ZNF141: variants seen among roughly 807,000 people sequenced by gnomAD.
ZNF141 encodes zinc finger protein 141 (clone pHZ-44).
In ZNF141, 7 loss-of-function variants were observed where a neutral mutation model predicts 11.3. That is an observed-to-expected ratio of 0.62 (90% CI 0.35 to 1.16). The LOEUF (loss-of-function observed/expected upper bound fraction) is 1.16, where lower values mean the gene tolerates loss of function less well. Among genes scored for constraint, ZNF141 ranks in the 50% most tolerant of loss-of-function variants. The pLI is 0.02. For missense variants in ZNF141, 535 were observed against 554.0 expected (o/e 0.97, Z 0.34); for synonymous variants, 183 against 190.7 (o/e 0.96, Z 0.33).
intron 3 of ZNF141, among the ~76,000 whole-genome samples, chr4:368,324 C>T (rs1306056206): frequency 2.6e-5 from 4 of 152,136 alleles, no homozygotes; most frequent in African/African-American, 7.2e-5. Context: ...TCACTGCAAC[C>T]TCCACGTCCC....
chr4:342,914 C>G, intron 1 of ZNF141: 4 of 1,585,154 alleles, frequency 2.5e-6, no homozygotes, highest in Non-Finnish European at 3.5e-6. Context: ...TTCAGCATTT[C>G]CTTAGTGTCA....
chr4:360,939 A>G (rs1722077810), intron 3 of ZNF141, among the ~76,000 whole-genome samples: 1 of 152,200 alleles, frequency 6.6e-6, no homozygotes, highest in Non-Finnish European at 1.5e-5. Context: ...TTCCTTGTGT[A>G]GATGAGCAGT....
intron 3 of ZNF141, among the ~76,000 whole-genome samples, chr4:363,883 G>A (rs1711599262): frequency 1.3e-5 from 2 of 152,222 alleles, no homozygotes; most frequent in East Asian, 3.9e-4. Context: ...CTAGTTTATT[G>A]AGAGTTTTTA....
At position 382,292 on chromosome 4, in the gene ZNF141, G is replaced by T. The variant is rs1712660945; in HGVS notation, c.*8430G>T. On this transcript the variant is annotated 3_prime_UTR_variant, in exon 4 of 4. Transcript: ENST00000240499. ...GTGTGCTCTAGGCACTTGCCCTATA[G>T]CTGCTCCTAAATGTGGGGTCTTAGA... Among the ~76,000 whole-genome samples the T allele has an allele frequency of 6.6e-6, 1 of 152,078 alleles. No homozygotes were observed. Among genetic ancestry groups the T allele is most frequent in the Non-Finnish European group, 1.5e-5 (1 of 68,034 alleles).
Position 380,487 on chromosome 4 carries a change from A to C in ZNF141, c.*6625A>C, listed in dbSNP as rs1163453868. 2.0e-5 allele frequency among the ~76,000 whole-genome samples: 3 copies of C among 152,002 alleles called. No individual in the cohort carries two copies. Among genetic ancestry groups the C allele is most frequent in the Non-Finnish European group, 2.9e-5 (2 of 68,024 alleles). On this transcript the variant is annotated 3_prime_UTR_variant, in exon 4 of 4. Transcript: ENST00000240499. ...GCCAACATGGTGAAACCCCGTCTCT[A>C]CTACAAATATAAAAATTAGCTGGGT...
At chr4:356,313 A>G (rs1721838222) in intron 3 of ZNF141, among the ~76,000 whole-genome samples, 1 of 151,510 alleles carries the variant, frequency 6.6e-6, no homozygotes, top group Non-Finnish European at 1.5e-5. Context: ...TAAAGGCCTC[A>G]CTTCTTATTT....
intron 3 of ZNF141, among the ~76,000 whole-genome samples, chr4:365,240 G>A (rs1711683847): frequency 6.6e-6 from 1 of 152,218 alleles, no homozygotes; most frequent in Admixed American, 6.5e-5. Context: ...GTCTGTCACA[G>A]CTTCCCTTGG....
At position 337,960 on chromosome 4, in the gene ZNF141, C is replaced by T. The variant is rs782610453; in HGVS notation, c.-24C>T. The stretch of plus-strand genomic sequence containing the variant: ...TATTGGATGATTGGTAGCTAAGACT[C>T]CCGAATACTTCAGAAGTGGGGAAAT... On this transcript the variant is annotated 5_prime_UTR_variant, in exon 1 of 4. Coordinates refer to ENST00000240499, the MANE Select transcript of ZNF141 (RefSeq NM_003441.4). 18 of 1,612,818 alleles carry T rather than the reference C, an allele frequency of 1.1e-5. No individual in the cohort carries two copies. In the South Asian group the frequency reaches 1.3e-4, roughly 12 times the overall value.
At position 337,859 on chromosome 4, in the gene ZNF141, C is replaced by G. The variant is rs1293019203; in HGVS notation, c.-125C>G. On this transcript the variant is annotated 5_prime_UTR_variant, in exon 1 of 4. It adds an upstream start codon to the 5' untranslated region. Coordinates refer to ENST00000240499, the MANE Select transcript of ZNF141 (RefSeq NM_003441.4). ...CCAGACCGCGGGTTAGGGGCTTCAT[C>G]TCTCTGCGTTCTCAGTTGTGGGAGG... The G allele has an allele frequency of 3.8e-6, 5 of 1,331,640 alleles. No individual in the cohort carries two copies. The highest frequency in any genetic ancestry group is 5.3e-6 in the Non-Finnish European group (5 of 937,780). 82.5% of individuals were successfully genotyped at this position (1,331,640 alleles called of 1,614,324 possible). A position where few individuals can be genotyped will look rare whatever the true frequency, so the allele number is the denominator to read the frequency against.
intron 3 of ZNF141, among the ~76,000 whole-genome samples, chr4:360,224 G>A (rs75739380): frequency 0.029 from 4,353 of 152,160 alleles, 61 homozygotes; most frequent in Middle Eastern, 0.065. Context: ...GTGTGGGTAG[G>A]GAGCCTCCTA....
At chr4:354,308 G>A (rs1415473534) in intron 3 of ZNF141, among the ~76,000 whole-genome samples, 2 of 152,180 alleles carry the variant, frequency 1.3e-5, no homozygotes, top group African/African-American at 2.4e-5. Flanking sequence ...AACACAGCAT[G>A]CCCAAGGTCA....
intron 3 of ZNF141, among the ~76,000 whole-genome samples, chr4:368,389 G>A (rs1711852448): frequency 6.6e-6 from 1 of 151,908 alleles, no homozygotes; most frequent in Admixed American, 6.6e-5. Flanking sequence ...TTACAGACGT[G>A]CACCACCACA....
At chr4:359,954 AC>A (rs1722029075) in intron 3 of ZNF141, among the ~76,000 whole-genome samples, 1 of 152,212 alleles carries the variant, frequency 6.6e-6, no homozygotes, top group Non-Finnish European at 1.5e-5. Context: ...CACCTGAGAC[AC>A]AGGACATTAT....
rs1306159796 is a variant in ZNF141 at position 375,395 on chromosome 4, A to G, written c.*1533A>G. The stretch of plus-strand genomic sequence containing the variant: ...TGGAGAGAAATCCTACAAATGTAAT[A>G]AATGTGGAAAAACATTTGTTCAAAA... On this transcript the variant is annotated 3_prime_UTR_variant, in exon 4 of 4. Coordinates refer to ENST00000240499, the MANE Select transcript of ZNF141 (RefSeq NM_003441.4). The G allele has an allele frequency of 6.6e-6, 1 of 152,106 alleles. No homozygotes were observed. The highest frequency in any genetic ancestry group is 2.4e-5 in the African/African-American group (1 of 41,446). The allele number at this position is 152,106 out of a possible 1,614,324, so 9.4% of individuals were successfully genotyped here. A position where few individuals can be genotyped will look rare whatever the true frequency, so the allele number is the denominator to read the frequency against.
chr4:357,001 C>CTA (rs1477281707), intron 3 of ZNF141, among the ~76,000 whole-genome samples: 10 of 152,096 alleles, frequency 6.6e-5, no homozygotes, highest in African/African-American at 2.2e-4. Context: ...GTTACTCAGG[C>CTA]TATAGTTCAG....
chr4:381,945 A>ATTTTTTTTTTTTTTTTT lies in ZNF141; in HGVS notation c.*8083_*8084insTTTTTTTTTTTTTTTTT, dbSNP rs1553855749. On this transcript the variant is annotated 3_prime_UTR_variant, in exon 4 of 4. Transcript: ENST00000240499. ...GCTAGGGCCACCACCATCTCTGGGA[A>ATTTTTTTTTTTTTTTTT]CTTTTTTTTTTTTTTTTTTTGAGAC... Among the ~76,000 whole-genome samples, 2 of 110,060 alleles carry ATTTTTTTTTTTTTTTTT rather than the reference A, an allele frequency of 1.8e-5. No homozygotes were observed. The highest frequency in any genetic ancestry group is 9.9e-5 in the African/African-American group (2 of 20,122). The allele number at this position is 110,060 out of a possible 152,430, so 72.2% of individuals were successfully genotyped here.
Position 374,327 on chromosome 4 carries a change from A to G in ZNF141, c.*465A>G. 3.1e-6 allele frequency: 1 copy of G among 326,048 alleles called. No homozygotes were observed. 20.2% of individuals were successfully genotyped at this position (326,048 alleles called of 1,614,324 possible). ...GTGGCAAAGCCTTTAAATGGTCCTC[A>G]ACCCTTAATGAACGTAAGTGAATTC... On this transcript the variant is annotated 3_prime_UTR_variant, in exon 4 of 4. Transcript: ENST00000240499.
intron 3 of ZNF141, among the ~76,000 whole-genome samples, chr4:370,084 T>C (rs1465902047): frequency 3.9e-5 from 6 of 152,030 alleles, no homozygotes; most frequent in African/African-American, 1.2e-4. Context: ...TATTTTAAAC[T>C]CTTAAAAATG....
At chr4:344,558 G>A (rs1721228490) in intron 3 of ZNF141, 128 bp downstream of exon 3, 3 of 617,382 alleles carry the variant, frequency 4.9e-6, no homozygotes, top group African/African-American at 1.9e-5. Flanking sequence ...GACTTTGGGA[G>A]GCCGAGGCAG....
Sources: gnomAD v4.1 joint callset for allele counts (sites outside exome capture counted in the v4.1 genomes callset) on GRCh38, gnomAD v4.1.1 for gene constraint, MANE v1.5 for transcripts, NCBI Gene and HGNC (gene_info 2026-07-23, HGNC 2026-07-21) for gene names.